AOPEP: variants seen among roughly 807,000 people sequenced by gnomAD.
AOPEP encodes aminopeptidase O.
A neutral mutation model predicts 98.1 loss-of-function variants in AOPEP; 77 were observed. The observed-to-expected ratio is 0.78, with a 90% confidence interval of 0.65 to 0.95. AOPEP has a LOEUF of 0.95. Among genes scored for constraint, AOPEP ranks in the 40% least tolerant of loss-of-function variants. AOPEP has a pLI of 0.00. For missense variants in AOPEP, 1,024 were observed against 1,024.7 expected, an observed-to-expected ratio of 1.00 and a Z score of 0.01; for synonymous variants, 346 against 365.3, an observed-to-expected ratio of 0.95 and a Z score of 0.60.
At chr9:94,789,957 T>C (rs1052619442) in intron 3 of AOPEP, among the ~76,000 whole-genome samples, 16 of 151,820 alleles carry the variant, frequency 1.1e-4, no homozygotes, top group Non-Finnish European at 1.5e-4. Flanking sequence ...CACTGCAAGC[T>C]CCGCCTCCCG....
chr9:95,124,525 C>T, the AOPEP span, among the ~76,000 whole-genome samples: 3 of 152,156 alleles, frequency 2.0e-5, no homozygotes, highest in Admixed American at 6.5e-5. Context: ...CTGTGTCTAA[C>T]ACACACCTCC....
At chr9:95,078,827 G>A (rs1028754203) in intron 14 of AOPEP, among the ~76,000 whole-genome samples, 1 of 152,340 alleles carries the variant, frequency 6.6e-6, no homozygotes. Context: ...GGCGTCCAGC[G>A]GGCAGTTTGG....
In AOPEP at chr9:95,060,997, G is replaced by T. The variant is rs180760972; in HGVS notation, c.2232+187G>T. 5.4e-4 allele frequency: 276 copies of T among 512,102 alleles called. No individual in the cohort carries two copies. The East Asian group carries it at 6.8e-3, about 13-fold the overall frequency. 31.7% of individuals were successfully genotyped at this position (512,102 alleles called of 1,614,324 possible). A position where few individuals can be genotyped will look rare whatever the true frequency, so the allele number is the denominator to read the frequency against. ...CTTATGCTTCTAATCAGAGTATTTT[G>T]AGGTCTTAAGTTTTTCCCTCTTCTT... On this transcript the variant is annotated intron_variant, in intron 14 of 16. Coordinates refer to ENST00000375315, the MANE Select transcript of AOPEP (RefSeq NM_001193329.3).
intron 13 of AOPEP, among the ~76,000 whole-genome samples, chr9:95,008,494 A>G (rs1364498267): frequency 6.6e-6 from 1 of 152,212 alleles, no homozygotes; most frequent in Non-Finnish European, 1.5e-5. Flanking sequence ...CCTTAAAGAA[A>G]ATCTCGAAGG....
chr9:95,068,146 T>C (rs1190311595), intron 14 of AOPEP, among the ~76,000 whole-genome samples: 2 of 152,218 alleles, frequency 1.3e-5, no homozygotes, highest in African/African-American at 4.8e-5. Flanking sequence ...TAGGAACATA[T>C]GTGTGTACGG....
chr9:94,759,322 C>A (rs1588080742), intron 1 of AOPEP, among the ~76,000 whole-genome samples: 2 of 152,324 alleles, frequency 1.3e-5, no homozygotes, highest in East Asian at 1.9e-4. Flanking sequence ...CATTTAATAT[C>A]TTTTAAGACT....
At chr9:95,078,515 A>C (rs1206363861) in intron 14 of AOPEP, among the ~76,000 whole-genome samples, 1 of 152,266 alleles carries the variant, frequency 6.6e-6, no homozygotes. Context: ...AGAAACCGAC[A>C]GGTCTCACGC....
intron 7 of AOPEP, 89 bp downstream of exon 7, chr9:94,928,620 T>C: frequency 1.1e-6 from 1 of 905,362 alleles, no homozygotes; most frequent in Non-Finnish European, 1.7e-6. Context: ...ATCTGCTGTG[T>C]TTCCTTTTTA....
chr9:94,922,838 C>T (rs2053816518), intron 5 of AOPEP, among the ~76,000 whole-genome samples: 1 of 152,218 alleles, frequency 6.6e-6, no homozygotes, highest in Admixed American at 6.5e-5. Flanking sequence ...GCAGACATGA[C>T]TACCATGATT....
chr9:94,841,604 G>A (rs978992384), intron 5 of AOPEP, among the ~76,000 whole-genome samples: 9 of 152,300 alleles, frequency 5.9e-5, no homozygotes, highest in South Asian at 2.1e-4. Context: ...GTTGGGAGAT[G>A]CTCCTATTAC....
At chr9:94,816,929 T>C (rs1335293326) in intron 5 of AOPEP, among the ~76,000 whole-genome samples, 1 of 152,242 alleles carries the variant, frequency 6.6e-6, no homozygotes, top group Non-Finnish European at 1.5e-5. Context: ...TCTCCTGACA[T>C]TGATAAAAAA....
At chr9:94,828,525 A>G (rs1188998468) in intron 5 of AOPEP, among the ~76,000 whole-genome samples, 4 of 152,172 alleles carry the variant, frequency 2.6e-5, no homozygotes, top group African/African-American at 9.7e-5. Context: ...CAGGGATAGA[A>G]TAGTCACCAA....
intron 5 of AOPEP, among the ~76,000 whole-genome samples, chr9:94,877,432 T>C (rs1320059030): frequency 6.6e-6 from 1 of 151,384 alleles, no homozygotes; most frequent in African/African-American, 2.4e-5. Flanking sequence ...CTTTTCTTTT[T>C]TTTTTTTTTT....
At chr9:94,765,594 C>A (rs917515572) in intron 2 of AOPEP, among the ~76,000 whole-genome samples, 1 of 150,734 alleles carries the variant, frequency 6.6e-6, no homozygotes, top group Admixed American at 6.6e-5. Context: ...AGAGTGAGAC[C>A]CCGTCTTGAA....
At chr9:94,742,442 T>TG (rs1482502136) in intron 1 of AOPEP, among the ~76,000 whole-genome samples, 1 of 152,058 alleles carries the variant, frequency 6.6e-6, no homozygotes, top group African/African-American at 2.4e-5. Context: ...TTAATTCTTT[T>TG]TTTTTTTTTG....
chr9:94,895,758 T>C (rs1482174301), intron 5 of AOPEP, among the ~76,000 whole-genome samples: 1 of 152,144 alleles, frequency 6.6e-6, no homozygotes, highest in African/African-American at 2.4e-5. Flanking sequence ...GGTCTCACTA[T>C]GTTTGAGAGG....
At chr9:94,919,610 T>C (rs1014596856) in intron 5 of AOPEP, among the ~76,000 whole-genome samples, 1 of 151,686 alleles carries the variant, frequency 6.6e-6, no homozygotes, top group Non-Finnish European at 1.5e-5. Flanking sequence ...TAGGCGAGAG[T>C]GTTGACATAC....
intron 5 of AOPEP, among the ~76,000 whole-genome samples, chr9:94,832,862 G>T (rs1007360222): frequency 6.7e-6 from 1 of 148,270 alleles, no homozygotes; most frequent in African/African-American, 2.5e-5. Context: ...AGAAGAAAGC[G>T]GGGGAAAAGG....
chr9:95,143,285 G>T, the AOPEP span, among the ~76,000 whole-genome samples: 1 of 152,148 alleles, frequency 6.6e-6, no homozygotes, highest in Non-Finnish European at 1.5e-5. Flanking sequence ...CACCAATCTG[G>T]AAGCTATTTG....
Sources: allele counts gnomAD v4.1 joint callset (sites outside exome capture counted in the v4.1 genomes callset), GRCh38; gene constraint gnomAD v4.1.1; transcripts MANE v1.5; gene names NCBI Gene and HGNC (gene_info 2026-07-23, HGNC 2026-07-21).